The following EMILIN2 variants were observed in gnomAD, a reference collection of about 807,000 sequenced individuals.
EMILIN2 encodes EMILIN-2.
In EMILIN2, 71 loss-of-function variants were observed where a neutral mutation model predicts 87.1. The ratio of observed to expected loss-of-function variants is 0.82; its 90% CI spans 0.67 to 0.99. The LOEUF is 0.99. EMILIN2 is among the 50% of genes least tolerant of loss of function. The pLI is 0.00. For synonymous variants in EMILIN2, 581 were observed against 563.4 expected, an observed-to-expected ratio of 1.03 and a Z score of -0.44; for missense variants, 1,407 against 1,371.8, an observed-to-expected ratio of 1.03 and a Z score of -0.40.
At position 2,847,973 on chromosome 18, in the gene EMILIN2, CG is replaced by C; in HGVS notation, c.257+46del. On this transcript the variant is annotated intron_variant, in intron 2 of 7. Transcript: ENST00000254528. This position sits in a 1 kb window ranked among gnomAD's most constrained non-coding sequence, Gnocchi z 4.5. ...GGGAGCGGGCGGGGCGCGCCCGGGCCGGGGCGGTGGGGGTGGGGTGGGGTTG... is the reference window on the plus strand; with the variant it reads ...GGGAGCGGGCGGGGCGCGCCCGGGCCGGGCGGTGGGGGTGGGGTGGGGTTG... The C allele has an allele frequency of 1.4e-6, 1 of 694,310 alleles. No individual in the cohort carries two copies. 43.0% of individuals were successfully genotyped at this position (694,310 alleles called of 1,614,324 possible). A position where few individuals can be genotyped will look rare whatever the true frequency, so the allele number is the denominator to read the frequency against.
chr18:2,846,889 G>A, upstream of EMILIN2: 2 of 988,822 alleles, frequency 2.0e-6, no homozygotes, highest in Non-Finnish European at 2.4e-6. The surrounding 1 kb of genome is among the most constrained non-coding windows in gnomAD (Gnocchi z 5.3). Context: ...GAGACGGGGA[G>A]ACTTGGTGGG....
At chr18:2,867,970 G>T (rs1185456460) in intron 2 of EMILIN2, among the ~76,000 whole-genome samples, 2 of 151,752 alleles carry the variant, frequency 1.3e-5, no homozygotes, top group East Asian at 2.0e-4. Flanking sequence ...GCGGCTGGCC[G>T]GGCAGGGGGC....
At chr18:2,858,231 G>A (rs925495294) in intron 2 of EMILIN2, among the ~76,000 whole-genome samples, 9 of 151,276 alleles carry the variant, frequency 5.9e-5, no homozygotes. Context: ...TTCTTTAGTG[G>A]TGATTTATGA....
intron 2 of EMILIN2, among the ~76,000 whole-genome samples, chr18:2,878,810 A>G (rs2144012935): frequency 6.6e-6 from 1 of 152,274 alleles, no homozygotes; most frequent in African/African-American, 2.4e-5. Flanking sequence ...TCCCACACAC[A>G]TGAATGGAGC....
At chr18:2,898,900 A>C (rs2076875412) in intron 4 of EMILIN2, among the ~76,000 whole-genome samples, 2 of 152,190 alleles carry the variant, frequency 1.3e-5, no homozygotes, top group South Asian at 4.1e-4. Flanking sequence ...GCTTATATTC[A>C]GGCCATAGGG....
intron 2 of EMILIN2, among the ~76,000 whole-genome samples, chr18:2,868,302 C>T (rs1168803710): frequency 6.6e-6 from 1 of 151,764 alleles, no homozygotes; most frequent in Non-Finnish European, 1.5e-5. Flanking sequence ...AGAGGCGCTC[C>T]TCACTTTCCA....
At chr18:2,881,465 G>A (rs1024073461) in intron 2 of EMILIN2, among the ~76,000 whole-genome samples, 2 of 152,198 alleles carry the variant, frequency 1.3e-5, no homozygotes, top group African/African-American at 4.8e-5. Flanking sequence ...TAGGAGCTGG[G>A]GAGCTGGCCC....
At chr18:2,888,977 A>C (rs988407120) in intron 3 of EMILIN2, among the ~76,000 whole-genome samples, 1 of 152,116 alleles carries the variant, frequency 6.6e-6, no homozygotes, top group African/African-American at 2.4e-5. Context: ...TTTCCAGTGT[A>C]ATATATTAAT....
chr18:2,899,068 C>T (rs1392604312), intron 4 of EMILIN2, among the ~76,000 whole-genome samples: 1 of 110,936 alleles, frequency 9.0e-6, no homozygotes, highest in Non-Finnish European at 1.9e-5. Flanking sequence ...TGCATAAATG[C>T]CTCTGGGATC....
intron 2 of EMILIN2, among the ~76,000 whole-genome samples, chr18:2,867,302 TTA>T (rs990838039): frequency 5.3e-5 from 8 of 152,096 alleles, no homozygotes; most frequent in African/African-American, 1.7e-4. Flanking sequence ...TTTTTATTTT[TTA>T]TTTTTTTAAG....
chr18:2,870,663 CT>C (rs2076714829), intron 2 of EMILIN2, among the ~76,000 whole-genome samples: 1 of 152,200 alleles, frequency 6.6e-6, no homozygotes, highest in Non-Finnish European at 1.5e-5. Context: ...GTGGTGACGT[CT>C]TATGGCTTTG....
intron 2 of EMILIN2, among the ~76,000 whole-genome samples, chr18:2,877,755 G>GT (rs1456905298): frequency 6.7e-6 from 1 of 150,040 alleles, no homozygotes; most frequent in Non-Finnish European, 1.5e-5. Context: ...TCCTGCCTGG[G>GT]TGACAGACTG....
At chr18:2,889,386 C>T (rs2144034084) in intron 3 of EMILIN2, among the ~76,000 whole-genome samples, 1 of 152,182 alleles carries the variant, frequency 6.6e-6, no homozygotes, top group Middle Eastern at 3.4e-3. Flanking sequence ...AATCCACCCA[C>T]CTCAGCCTTC....
At chr18:2,846,716 C>G (rs1402075707), upstream of EMILIN2, 11 of 983,496 alleles carry the variant, frequency 1.1e-5, no homozygotes, top group African/African-American at 1.6e-4. This position sits in a 1 kb window ranked among gnomAD's most constrained non-coding sequence, Gnocchi z 5.3. Flanking sequence ...GGCCGCGTCC[C>G]GGGGGGCCGG....
At chr18:2,893,611 G>A (rs1179086114) in intron 4 of EMILIN2, among the ~76,000 whole-genome samples, 2 of 152,188 alleles carry the variant, frequency 1.3e-5, no homozygotes, top group African/African-American at 4.8e-5. Flanking sequence ...AGCTTCTCTT[G>A]TACCTGGGTT....
chr18:2,909,425 C>A (rs968673791), intron 6 of EMILIN2, among the ~76,000 whole-genome samples: 1 of 152,242 alleles, frequency 6.6e-6, no homozygotes, highest in Non-Finnish European at 1.5e-5. Flanking sequence ...TACACATGCT[C>A]ATCTCATATG....
At chr18:2,898,392 A>G (rs939093503) in intron 4 of EMILIN2, among the ~76,000 whole-genome samples, 1 of 152,136 alleles carries the variant, frequency 6.6e-6, no homozygotes, top group Non-Finnish European at 1.5e-5. Context: ...GGCCCCACAC[A>G]CAGGTTGAGC....
chr18:2,869,670 T>C (rs1312962), intron 2 of EMILIN2, among the ~76,000 whole-genome samples: 70,183 of 151,694 alleles, frequency 0.46, 16,442 homozygotes, highest in Admixed American at 0.51. Context: ...TGGGCTTAAG[T>C]GATCCTCCCA....
chr18:2,913,021 C>T (rs746934569), intron 7 of EMILIN2, 46 bp from the exon 8 acceptor site: 19 of 1,590,796 alleles, frequency 1.2e-5, no homozygotes, highest in South Asian at 2.2e-5. Flanking sequence ...ATGGCAAGGG[C>T]TGTGACGACA....
Sources: allele counts gnomAD v4.1 joint callset (sites outside exome capture counted in the v4.1 genomes callset), GRCh38; gene constraint gnomAD v4.1.1; non-coding constraint Gnocchi (gnomAD v3.1); transcripts MANE v1.5; gene names NCBI Gene and HGNC (gene_info 2026-07-23, HGNC 2026-07-21).